The following ANKS1B variants were observed in gnomAD, a reference collection of about 807,000 sequenced individuals.
The protein encoded by ANKS1B is ankyrin repeat and sterile alpha motif domain containing 1B.
A neutral mutation model predicts 148.3 loss-of-function variants in ANKS1B; 36 were observed. The ratio of observed to expected loss-of-function variants is 0.24; its 90% CI spans 0.19 to 0.32. ANKS1B has a LOEUF of 0.32. Ranked by LOEUF, ANKS1B falls within the 10% of genes least tolerant of loss-of-function variation. The probability of loss-of-function intolerance (pLI) is 1.00; values close to 1 mark genes in which losing one functional copy is unlikely to be tolerated. For synonymous variants in ANKS1B, 542 were observed against 560.8 expected, an observed-to-expected ratio of 0.97 and a Z score of 0.47; for missense variants, 1,157 against 1,542.6, an observed-to-expected ratio of 0.75 and a Z score of 4.19.
chr12:99,265,529 C>T (rs1276032864), intron 12 of ANKS1B, among the ~76,000 whole-genome samples: 2 of 152,152 alleles, frequency 1.3e-5, no homozygotes, highest in African/African-American at 4.8e-5. Context: ...AGAACCACTG[C>T]TCTACTGATC....
intron 14 of ANKS1B, among the ~76,000 whole-genome samples, chr12:99,164,700 G>A (rs1403073500): frequency 6.6e-6 from 1 of 151,994 alleles, no homozygotes; most frequent in Non-Finnish European, 1.5e-5. Context: ...ACAACCACAT[G>A]TGATCTCTGG....
chr12:98,757,725 C>T lies in ANKS1B; in HGVS notation c.3580-6203G>A, dbSNP rs536194545. Among the ~76,000 whole-genome samples the T allele has an allele frequency of 7.9e-5, 12 of 152,358 alleles. No individual in the cohort carries two copies. In the South Asian group the frequency reaches 2.5e-3, roughly 32 times the overall value. On this transcript the variant is annotated intron_variant, in intron 25 of 26. Coordinates refer to ENST00000683438, the MANE Select transcript of ANKS1B (RefSeq NM_001352186.2). ...ATAAATTCAAACTCATTTAGTTTTA[C>T]TTTTATTACCTCACGTCTCTCGAAT... is the stretch of plus-strand genomic sequence containing the variant.
At chr12:99,163,755 A>C (rs983024082) in intron 14 of ANKS1B, among the ~76,000 whole-genome samples, 2 of 152,158 alleles carry the variant, frequency 1.3e-5, no homozygotes, top group Non-Finnish European at 2.9e-5. Context: ...TTTTTCATTC[A>C]GCAGAATTCC....
chr12:99,619,773 A>G (rs998624116), intron 9 of ANKS1B, among the ~76,000 whole-genome samples: 1 of 152,148 alleles, frequency 6.6e-6, no homozygotes, highest in Admixed American at 6.5e-5. Flanking sequence ...GGGGCTGAGG[A>G]GGTTTCCCAA....
At chr12:99,150,238 T>A (rs1426372676) in intron 15 of ANKS1B, among the ~76,000 whole-genome samples, 1 of 152,204 alleles carries the variant, frequency 6.6e-6, no homozygotes, top group African/African-American at 2.4e-5. Flanking sequence ...CACAGCATTA[T>A]GCTGGGACTT....
At chr12:99,569,462 T>C (rs1234413492) in intron 9 of ANKS1B, among the ~76,000 whole-genome samples, 2 of 152,182 alleles carry the variant, frequency 1.3e-5, no homozygotes, top group Admixed American at 1.3e-4. Flanking sequence ...TTAAAGGTAC[T>C]ACATGTAAAA....
chr12:99,758,184 G>A (rs2061745888), intron 8 of ANKS1B, among the ~76,000 whole-genome samples: 1 of 151,878 alleles, frequency 6.6e-6, no homozygotes. Context: ...GTATAATATA[G>A]GTGTGGGTTA....
intron 24 of ANKS1B, among the ~76,000 whole-genome samples, chr12:98,777,255 A>G (rs1245485012): frequency 2.0e-5 from 3 of 152,204 alleles, no homozygotes; most frequent in African/African-American, 7.2e-5. Flanking sequence ...CAAATGTTCC[A>G]AAGTATTTTG....
At chr12:99,453,086 C>T (rs551079139) in intron 10 of ANKS1B, among the ~76,000 whole-genome samples, 48 of 151,960 alleles carry the variant, frequency 3.2e-4, no homozygotes, top group South Asian at 1.3e-3. Context: ...GTCAGGAGAT[C>T]GAGACCATCC....
chr12:98,776,687 C>T (rs1195430884), intron 24 of ANKS1B, among the ~76,000 whole-genome samples: 2 of 152,180 alleles, frequency 1.3e-5, no homozygotes, highest in East Asian at 1.9e-4. Context: ...ATCTGAGCCC[C>T]GACAGGTGGG....
At chr12:99,634,774 G>A (rs2153407801) in intron 9 of ANKS1B, among the ~76,000 whole-genome samples, 1 of 152,190 alleles carries the variant, frequency 6.6e-6, no homozygotes, top group South Asian at 2.1e-4. Flanking sequence ...TAGATAAATT[G>A]GACTACATCA....
chr12:98,889,421 C>G (rs1336931874), intron 17 of ANKS1B, among the ~76,000 whole-genome samples: 1 of 151,772 alleles, frequency 6.6e-6, no homozygotes, highest in Non-Finnish European at 1.5e-5. Context: ...TATCTCGGCT[C>G]ACTGCAACCT....
chr12:99,812,559 A>AC (rs1491449771), intron 2 of ANKS1B, among the ~76,000 whole-genome samples: 4 of 32,632 alleles, frequency 1.2e-4, no homozygotes, highest in African/African-American at 3.0e-4. Flanking sequence ...ACACACACAC[A>AC]GAGAGAGAGA....
At chr12:98,749,120 A>T (rs1406310393) in intron 26 of ANKS1B, among the ~76,000 whole-genome samples, 5 of 151,572 alleles carry the variant, frequency 3.3e-5, no homozygotes, top group African/African-American at 1.2e-4. Flanking sequence ...TTTTTTTGAG[A>T]CGGAGTCCTG....
In ANKS1B at chr12:99,874,019, T is replaced by A. The variant is rs865964353; in HGVS notation, c.135-48630A>T. ...AAATAAATCTCTCTCTCTCTCTCTC[T>A]CACATATATATATATATATATCCTG... On this transcript the variant is annotated intron_variant, in intron 1 of 26. Coordinates refer to ENST00000683438, the MANE Select transcript of ANKS1B (RefSeq NM_001352186.2). Among the ~76,000 whole-genome samples the A allele has an allele frequency of 4.2e-4, 58 of 136,556 alleles. 1 individual carries two copies. The highest frequency in any genetic ancestry group is 3.5e-3 in the Middle Eastern group (1 of 284). The allele number at this position is 136,556 out of a possible 152,430, so 89.6% of individuals were successfully genotyped here. A position where few individuals can be genotyped will look rare whatever the true frequency, so the allele number is the denominator to read the frequency against.
chr12:99,677,022 G>A (rs1486464691), intron 8 of ANKS1B, among the ~76,000 whole-genome samples: 2 of 152,172 alleles, frequency 1.3e-5, no homozygotes, highest in East Asian at 3.8e-4. Flanking sequence ...CCAAATAAAT[G>A]AAAGCAAACT....
chr12:99,806,829 C>A (rs1466334383), intron 3 of ANKS1B, 129 bp from the exon 4 acceptor site: 3 of 923,270 alleles, frequency 3.2e-6, no homozygotes, highest in Admixed American at 2.9e-5. Context: ...AACAAGTATG[C>A]CTAATGGAAT....
chr12:99,647,507 G>C (rs1273410492), intron 9 of ANKS1B, among the ~76,000 whole-genome samples: 13 of 152,098 alleles, frequency 8.5e-5, no homozygotes, highest in Admixed American at 8.5e-4. Flanking sequence ...GCCTTGCACA[G>C]AAAATTTACC....
chr12:99,152,790 A>T (rs2075287052), intron 15 of ANKS1B, among the ~76,000 whole-genome samples: 1 of 152,140 alleles, frequency 6.6e-6, no homozygotes, highest in East Asian at 1.9e-4. Context: ...TAAGATATTG[A>T]AATGTACAGT....
Sources: gnomAD v4.1 joint callset for allele counts (sites outside exome capture counted in the v4.1 genomes callset) on GRCh38, gnomAD v4.1.1 for gene constraint, MANE v1.5 for transcripts, NCBI Gene and HGNC (gene_info 2026-07-23, HGNC 2026-07-21) for gene names.